The following RNF150 variants were observed in gnomAD, a reference collection of about 807,000 sequenced individuals.
The protein encoded by RNF150 is ring finger protein 150.
A neutral mutation model predicts 39.3 loss-of-function variants in RNF150; 24 were observed. The ratio of observed to expected loss-of-function variants is 0.61; its 90% confidence interval spans 0.44 to 0.86. The LOEUF (loss-of-function observed/expected upper bound fraction) is 0.86. RNF150 is among the 40% of genes least tolerant of loss of function. The pLI is 0.00. For missense variants in RNF150, 502 were observed against 587.8 expected (o/e 0.85, Z 1.51); for synonymous variants, 255 against 227.3 (o/e 1.12, Z -1.10).
At chr4:141,033,776 A>G (rs1042844585) in intron 1 of RNF150, among the ~76,000 whole-genome samples, 1 of 152,194 alleles carries the variant, frequency 6.6e-6, no homozygotes, top group African/African-American at 2.4e-5. Flanking sequence ...GTCAATGAGC[A>G]ATCATATTTT....
chr4:141,157,208 C>T (rs1727423296), intron 1 of RNF150, among the ~76,000 whole-genome samples: 1 of 152,066 alleles, frequency 6.6e-6, no homozygotes, highest in Admixed American at 6.5e-5. Flanking sequence ...GTCACGTGCA[C>T]AATATCTCCC....
chr4:141,018,698 A>G (rs1560691539), intron 1 of RNF150, among the ~76,000 whole-genome samples: 1 of 152,132 alleles, frequency 6.6e-6, no homozygotes, highest in Non-Finnish European at 1.5e-5. Flanking sequence ...GAGAGTGCTC[A>G]GAAAGGGTCC....
chr4:140,902,034 T>C (rs1447308368), intron 6 of RNF150, among the ~76,000 whole-genome samples: 3 of 152,172 alleles, frequency 2.0e-5, no homozygotes, highest in South Asian at 2.1e-4. Flanking sequence ...TTGTAACCCA[T>C]AGATAATAAA....
At chr4:141,165,667 T>C (rs1727587358) in intron 1 of RNF150, among the ~76,000 whole-genome samples, 1 of 152,068 alleles carries the variant, frequency 6.6e-6, no homozygotes, top group Non-Finnish European at 1.5e-5. Context: ...CACAACTACA[T>C]GGAAACTGAA....
At chr4:140,880,349 C>T (rs1578924815) in intron 6 of RNF150, among the ~76,000 whole-genome samples, 1 of 151,940 alleles carries the variant, frequency 6.6e-6, no homozygotes, top group Non-Finnish European at 1.5e-5. Flanking sequence ...AGGGATAAAT[C>T]CCACTTGGTC....
intron 1 of RNF150, among the ~76,000 whole-genome samples, chr4:141,073,880 T>C (rs1737796659): frequency 6.6e-6 from 1 of 151,874 alleles, no homozygotes; most frequent in Non-Finnish European, 1.5e-5. Context: ...GTCTGGGGAA[T>C]GGACTGGGGA....
intron 1 of RNF150, among the ~76,000 whole-genome samples, chr4:140,976,513 C>T (rs1733670789): frequency 6.6e-6 from 1 of 151,940 alleles, no homozygotes; most frequent in Admixed American, 6.6e-5. Flanking sequence ...CACACATTCC[C>T]ACTGTTGTAT....
At chr4:140,887,651 A>G (rs10030238) in intron 6 of RNF150, among the ~76,000 whole-genome samples, 68,941 of 151,948 alleles carry the variant, frequency 0.45, 16,233 homozygotes, top group African/African-American at 0.58. Flanking sequence ...CCTGTTACAA[A>G]ATAGCACAAC....
At chr4:141,202,076 G>A (rs1728300653) in intron 1 of RNF150, among the ~76,000 whole-genome samples, 1 of 152,106 alleles carries the variant, frequency 6.6e-6, no homozygotes. Flanking sequence ...AGTACCTTGA[G>A]CTTGGATTTC....
rs58191524 is a variant in RNF150, at chr4:141,112,809, G to A, written c.484+19516C>T. 6.0e-3 allele frequency among the ~76,000 whole-genome samples: 911 copies of A among 152,124 alleles called. 9 individuals are homozygous for A. Among genetic ancestry groups the A allele is most frequent in the African/African-American group, 0.02 (828 of 41,502 alleles). On this transcript the variant is annotated intron_variant, in intron 1 of 6. Coordinates refer to ENST00000515673, the MANE Select transcript of RNF150 (RefSeq NM_020724.2). ...GGGGAAGTTCTCCTGGATGGTATCC[G>A]GAAGTGTATTTTCCAACTTGGTTTC...
intron 2 of RNF150, among the ~76,000 whole-genome samples, chr4:140,961,781 A>G (rs985294640): frequency 1.3e-5 from 2 of 152,094 alleles, no homozygotes; most frequent in African/African-American, 4.8e-5. Flanking sequence ...AAAGTTAACA[A>G]ACTGGGAGGA....
chr4:140,874,043 G>A (rs1459253193), intron 6 of RNF150, among the ~76,000 whole-genome samples: 1 of 145,782 alleles, frequency 6.9e-6, no homozygotes, highest in African/African-American at 2.4e-5. Context: ...CTTTAATTCT[G>A]AGTAAAATCC....
chr4:140,993,909 G>A (rs952761810), intron 1 of RNF150, among the ~76,000 whole-genome samples: 4 of 152,154 alleles, frequency 2.6e-5, no homozygotes, highest in Non-Finnish European at 5.9e-5. Context: ...GGAAAACACT[G>A]CCCAGGAAGG....
At chr4:140,910,392 T>C (rs1730546194) in intron 6 of RNF150, among the ~76,000 whole-genome samples, 1 of 152,338 alleles carries the variant, frequency 6.6e-6, no homozygotes, top group Non-Finnish European at 1.5e-5. Context: ...TTTTATCTCT[T>C]ATATTAGACT....
chr4:140,984,367 C>A (rs1312164997), intron 1 of RNF150, among the ~76,000 whole-genome samples: 1 of 152,062 alleles, frequency 6.6e-6, no homozygotes, highest in Admixed American at 6.6e-5. Flanking sequence ...GGTTTTTAGA[C>A]TAATATGTAA....
chr4:141,065,198 T>C (rs538381289), intron 1 of RNF150, among the ~76,000 whole-genome samples: 1 of 152,290 alleles, frequency 6.6e-6, no homozygotes, highest in South Asian at 2.1e-4. Flanking sequence ...AAGCATGCCA[T>C]AGGGCTTGAT....
rs577578228 is a variant in RNF150 at position 141,209,708 on chromosome 4, T to A, written c.-6+3086A>T. On this transcript the variant is annotated intron_variant, in intron 1 of 7. Coordinates refer to the RNF150 transcript ENST00000420921. ...ATGGATTCATAGTTAAAACCAAATC[T>A]CTTAGTAATAGAAAGTAACACTTTT... Among the ~76,000 whole-genome samples, 3 of 152,188 alleles carry A rather than the reference T, an allele frequency of 2.0e-5. No homozygotes were observed. The South Asian group carries it at 6.2e-4, about 32-fold the overall frequency.
chr4:141,177,722 C>T (rs547914120), intron 1 of RNF150, among the ~76,000 whole-genome samples: 88 of 152,174 alleles, frequency 5.8e-4, no homozygotes, highest in Middle Eastern at 3.4e-3. Context: ...TTGATGGAAC[C>T]GAATAAATTA....
At chr4:140,918,231 CA>C (rs1374452347) in intron 5 of RNF150, among the ~76,000 whole-genome samples, 3 of 152,142 alleles carry the variant, frequency 2.0e-5, no homozygotes. Flanking sequence ...AAAAACCCTT[CA>C]AAAAATTAAT....
Sources: gnomAD v4.1 joint callset for allele counts (sites outside exome capture counted in the v4.1 genomes callset) on GRCh38, gnomAD v4.1.1 for gene constraint, MANE v1.5 for transcripts, NCBI Gene and HGNC (gene_info 2026-07-23, HGNC 2026-07-21) for gene names.